The following EXO1 variants were observed in gnomAD, a reference collection of about 807,000 sequenced individuals.
EXO1 encodes the protein exonuclease 1.
In EXO1, 69 loss-of-function variants were observed where a neutral mutation model predicts 84.5. The ratio of observed to expected loss-of-function variants is 0.82; its 90% CI spans 0.67 to 1.00. The LOEUF (loss-of-function observed/expected upper bound fraction) is 1.00. Ranked by LOEUF, EXO1 falls within the 50% of genes least tolerant of loss-of-function variation. The probability of loss-of-function intolerance (pLI) is 0.00; values close to 1 mark genes in which losing one functional copy is unlikely to be tolerated. For missense variants in EXO1, 1,045 were observed against 1,000.7 expected (o/e 1.04, Z -0.60); for synonymous variants, 373 against 366.1 (o/e 1.02, Z -0.21).
chr1:241,856,554 A>G (rs945559359), intron 6 of EXO1, among the ~76,000 whole-genome samples: 1 of 152,152 alleles, frequency 6.6e-6, no homozygotes, highest in Non-Finnish European at 1.5e-5. Flanking sequence ...ACCTACGTAT[A>G]TATTTTCCCC....
chr1:241,872,544 C>T (rs1381018707), intron 12 of EXO1, among the ~76,000 whole-genome samples: 2 of 152,054 alleles, frequency 1.3e-5, no homozygotes, highest in African/African-American at 4.8e-5. Context: ...GTGATGTTCC[C>T]CTCCTTGTGT....
Position 241,878,953 on chromosome 1 carries a change from T to G in EXO1, c.1719T>G (p.Ile573Met). The G allele has an allele frequency of 1.2e-6, 2 of 1,614,204 alleles. No homozygotes were observed. Among genetic ancestry groups the G allele is most frequent in the Non-Finnish European group, 8.5e-7 (1 of 1,180,010 alleles). Residue 573 changes from isoleucine (I) to methionine (M), a missense_variant, in exon 13 of 16, where the codon ATT (isoleucine) becomes ATG (methionine). Ile to Met is a conservative substitution (Grantham distance 10). Transcript: ENST00000366548. ...IPNNHIPGDH[I>M]PDKATVFTDE... The stretch of plus-strand genomic sequence containing the variant: ...ATAATCATATTCCAGGTGATCATAT[T>G]CCAGACAAGGCAACAGTGTTTACAG...
In EXO1 at chr1:241,860,627, T is replaced by A; in HGVS notation, c.867T>A (p.Asp289Glu). 6.2e-7 allele frequency: 1 copy of A among 1,614,062 alleles called. No homozygotes were observed. The highest frequency in any genetic ancestry group is 1.1e-5 in the South Asian group (1 of 91,086). Residue 289 changes from aspartate (D) to glutamate (E), a missense_variant, in exon 9 of 16, where the codon GAT becomes GAA. By Grantham distance (45) the Asp-to-Glu change is conservative. Transcript: ENST00000366548. ...NNTFLYQLVF[D>E]PIKRKLIPLN... The stretch of plus-strand genomic sequence containing the variant: ...CCTTCCTCTATCAGCTAGTTTTTGA[T>A]CCCATCAAAAGGAAACTTATTCCTC...
intron 10 of EXO1, among the ~76,000 whole-genome samples, chr1:241,866,558 C>G (rs1484190029): frequency 7.8e-6 from 1 of 128,446 alleles, no homozygotes; most frequent in Non-Finnish European, 1.7e-5. Context: ...GCTAGCAACT[C>G]TTGATTTTTT....
chr1:241,882,589 T>C (rs968754478), intron 14 of EXO1, among the ~76,000 whole-genome samples: 10 of 152,176 alleles, frequency 6.6e-5, no homozygotes, highest in African/African-American at 1.2e-4. Flanking sequence ...ATATTTTATA[T>C]ATTAAATGTT....
chr1:241,881,021 C>T (rs533650021), intron 13 of EXO1, among the ~76,000 whole-genome samples: 1 of 151,946 alleles, frequency 6.6e-6, no homozygotes, highest in East Asian at 1.9e-4. Flanking sequence ...TTTTTTATTG[C>T]TCTTTTGTTT....
chr1:241,856,499 T>C (rs898137399), intron 6 of EXO1, among the ~76,000 whole-genome samples: 2 of 152,150 alleles, frequency 1.3e-5, no homozygotes, highest in Non-Finnish European at 2.9e-5. Context: ...GAGAGTTATG[T>C]ATGTGTGTAT....
intron 15 of EXO1, among the ~76,000 whole-genome samples, chr1:241,886,490 A>G (rs889104158): frequency 2.0e-5 from 3 of 152,206 alleles, no homozygotes; most frequent in Admixed American, 2.0e-4. Flanking sequence ...AAATATTGTC[A>G]TAGATGAGGC....
chr1:241,889,332 T>C, intron 15 of EXO1, 133 bp from the exon 16 acceptor site: 2 of 766,156 alleles, frequency 2.6e-6, no homozygotes, highest in African/African-American at 1.7e-5. Flanking sequence ...TTGTGTTATA[T>C]AATGAATTGA....
intron 11 of EXO1, among the ~76,000 whole-genome samples, chr1:241,871,644 G>C (rs747991325): frequency 2.6e-5 from 4 of 152,052 alleles, no homozygotes; most frequent in Non-Finnish European, 5.9e-5. Flanking sequence ...GGTTTTATTG[G>C]AACATTTTAA....
intron 3 of EXO1, 136 bp from the exon 4 acceptor site, chr1:241,850,273 C>G (rs1660585799): frequency 3.3e-6 from 2 of 614,166 alleles, no homozygotes; most frequent in South Asian, 3.6e-5. Context: ...GAGCGAGACT[C>G]CGTCTCAAAA....
chr1:241,864,016 ATTT>A (rs1313422252), intron 10 of EXO1, among the ~76,000 whole-genome samples: 1 of 152,022 alleles, frequency 6.6e-6, no homozygotes, highest in East Asian at 1.9e-4. Context: ...GAATATGATA[ATTT>A]TTTGAACGTT....
chr1:241,887,887 C>T (rs1663156696), intron 15 of EXO1, among the ~76,000 whole-genome samples: 1 of 152,110 alleles, frequency 6.6e-6, no homozygotes, highest in Non-Finnish European at 1.5e-5. Flanking sequence ...GATCCACCTG[C>T]TTCAACCTCC....
intron 14 of EXO1, among the ~76,000 whole-genome samples, chr1:241,883,741 A>AGGG (rs1553274980): frequency 1.3e-5 from 2 of 152,102 alleles, no homozygotes; most frequent in Non-Finnish European, 2.9e-5. Context: ...CAATATGTAT[A>AGGG]GTGTTTTTGT....
At chr1:241,850,642 C>CT (rs1011021374) in intron 4 of EXO1, 56 bp downstream of exon 4, 11 of 1,408,708 alleles carry the variant, frequency 7.8e-6, no homozygotes, top group Admixed American at 3.4e-5. Flanking sequence ...CCTACAGTGC[C>CT]TTTTTTTCTC....
chr1:241,881,840 G>T, intron 13 of EXO1, 76 bp from the exon 14 acceptor site: 1 of 704,314 alleles, frequency 1.4e-6, no homozygotes, highest in South Asian at 1.8e-5. Flanking sequence ...CCATTTTGTT[G>T]AATATTAGTT....
intron 11 of EXO1, among the ~76,000 whole-genome samples, chr1:241,867,822 C>A (rs1173289328): frequency 6.6e-6 from 1 of 152,054 alleles, no homozygotes; most frequent in Non-Finnish European, 1.5e-5. Flanking sequence ...ATTACTGTGG[C>A]TTTATAGAAA....
chr1:241,868,824 A>G (rs1661909989), intron 11 of EXO1, among the ~76,000 whole-genome samples: 2 of 152,168 alleles, frequency 1.3e-5, no homozygotes, highest in Admixed American at 6.5e-5. Context: ...TCTGTTGTCA[A>G]ATTATCTTTA....
At chr1:241,857,851 T>A (rs917350325) in intron 7 of EXO1, among the ~76,000 whole-genome samples, 2 of 152,200 alleles carry the variant, frequency 1.3e-5, no homozygotes, top group Non-Finnish European at 2.9e-5. Flanking sequence ...ATGCTTTATA[T>A]TTCTTGATTA....
Sources: allele counts gnomAD v4.1 joint callset (sites outside exome capture counted in the v4.1 genomes callset), GRCh38; gene constraint gnomAD v4.1.1; transcripts MANE v1.5; gene names NCBI Gene and HGNC (gene_info 2026-07-23, HGNC 2026-07-21).